The following AURKA variants were observed in gnomAD, a reference collection of about 807,000 sequenced individuals.
The protein encoded by AURKA is aurora 2.
A neutral mutation model predicts 40.9 loss-of-function variants in AURKA; 12 were observed. The observed-to-expected ratio is 0.29, with a 90% CI of 0.19 to 0.48. The LOEUF (loss-of-function observed/expected upper bound fraction) is 0.48. AURKA is among the 20% of genes least tolerant of loss of function. AURKA has a pLI of 0.99. For missense variants in AURKA, 322 were observed against 462.1 expected (o/e 0.70, Z 2.78); for synonymous variants, 170 against 164.3 (o/e 1.03, Z -0.26).
chr20:56,377,258 C>CA (rs1467927169), intron 6 of AURKA, among the ~76,000 whole-genome samples: 12 of 152,104 alleles, frequency 7.9e-5, no homozygotes, highest in Non-Finnish European at 1.5e-4. Flanking sequence ...GCCTGGCTGA[C>CA]AGAGTGAAAC....
intron 6 of AURKA, among the ~76,000 whole-genome samples, chr20:56,375,166 C>T (rs928454721): frequency 6.6e-6 from 1 of 152,084 alleles, no homozygotes; most frequent in South Asian, 2.1e-4. Flanking sequence ...ACTCTGTCAC[C>T]CAGCCTGGAT....
At chr20:56,382,155 C>T (rs910468523) in intron 5 of AURKA, among the ~76,000 whole-genome samples, 3 of 148,316 alleles carry the variant, frequency 2.0e-5, no homozygotes, top group Non-Finnish European at 4.5e-5. Context: ...CAGAGCGAGA[C>T]TCCATCTCAA....
intron 6 of AURKA, among the ~76,000 whole-genome samples, chr20:56,375,311 T>C (rs567380558): frequency 7.4e-4 from 108 of 145,994 alleles, no homozygotes; most frequent in African/African-American, 2.3e-3. Flanking sequence ...ATCTTTCTTT[T>C]TTTTTTTTTT....
chr20:56,376,023 C>A (rs1984876120), intron 6 of AURKA, among the ~76,000 whole-genome samples: 1 of 152,172 alleles, frequency 6.6e-6, no homozygotes, highest in Non-Finnish European at 1.5e-5. Flanking sequence ...TCTGCTTACA[C>A]CAAAACTCCA....
chr20:56,371,286 C>T (rs1006807218), intron 7 of AURKA, among the ~76,000 whole-genome samples: 2 of 152,082 alleles, frequency 1.3e-5, no homozygotes, highest in South Asian at 2.1e-4. Context: ...CATGGTGAAA[C>T]GCCGTATCTA....
rs111704748 is a variant in AURKA, at chr20:56,371,346, T to C, written c.855-687A>G. Reference sequence around the variant, plus strand: ...GTGTGGTGGTGTGCGCCTGTAGTCCTAGCTACTCAGGAGGCTGAGGCAGAA... The same window carrying C: ...GTGTGGTGGTGTGCGCCTGTAGTCCCAGCTACTCAGGAGGCTGAGGCAGAA... On this transcript the variant is annotated intron_variant, in intron 7 of 8. Coordinates refer to ENST00000395915, the MANE Select transcript of AURKA (RefSeq NM_198437.3). 9.4e-3 allele frequency among the ~76,000 whole-genome samples: 1,293 copies of C among 138,086 alleles called. 17 individuals carry two copies. Among genetic ancestry groups the C allele is most frequent in the African/African-American group, 0.029 (1,076 of 37,008 alleles). The allele number at this position is 138,086 out of a possible 152,430, so 90.6% of individuals were successfully genotyped here.
chr20:56,370,930 A>G (rs1569037478), intron 7 of AURKA, among the ~76,000 whole-genome samples: 1 of 152,230 alleles, frequency 6.6e-6, no homozygotes, highest in African/African-American at 2.4e-5. Context: ...ATGTATCACT[A>G]CCATATAAAA....
Position 56,388,313 on chromosome 20 carries a change from G to A in AURKA, c.-5-111C>T, listed in dbSNP as rs570378887. On this transcript the variant is annotated intron_variant, in intron 1 of 8. Transcript: ENST00000395915. ...AATCAAAAGGCCTCCACAACACACC[G>A]GATTTTACATGTTTTGTCCAAATGA... is the stretch of plus-strand genomic sequence containing the variant. 1.6e-4 allele frequency: 155 copies of A among 944,304 alleles called. No homozygotes were observed. In the African/African-American group the frequency reaches 1.6e-3, roughly 10 times the overall value. The allele number at this position is 944,304 out of a possible 1,614,324, so 58.5% of individuals were successfully genotyped here.
At chr20:56,372,645 G>A (rs1454017534) in intron 7 of AURKA, among the ~76,000 whole-genome samples, 1 of 151,668 alleles carries the variant, frequency 6.6e-6, no homozygotes, top group Non-Finnish European at 1.5e-5. Context: ...TCTATTTTAG[G>A]CTATACTTTT....
At chr20:56,388,091 C>T in intron 2 of AURKA, 65 bp downstream of exon 2, 2 of 104,158 alleles carry the variant, frequency 1.9e-5, no homozygotes, top group Non-Finnish European at 3.1e-5. Context: ...GGAAAGAATT[C>T]CCGACAAGAC....
chr20:56,377,232 G>A (rs954703145), intron 6 of AURKA, among the ~76,000 whole-genome samples: 6 of 152,100 alleles, frequency 3.9e-5, no homozygotes, highest in Non-Finnish European at 7.4e-5. Context: ...AGCAGAGATC[G>A]CACCACTGCA....
At chr20:56,383,878 C>T (rs1986037696) in intron 4 of AURKA, among the ~76,000 whole-genome samples, 1 of 152,184 alleles carries the variant, frequency 6.6e-6, no homozygotes, top group Admixed American at 6.5e-5. Flanking sequence ...ATAATACTGT[C>T]AAAACCCTCA....
At position 56,372,533 on chromosome 20, in the gene AURKA, T is replaced by TA. The variant is rs10716404; in HGVS notation, c.854+874dup. On this transcript the variant is annotated intron_variant, in intron 7 of 8. Coordinates refer to ENST00000395915, the MANE Select transcript of AURKA (RefSeq NM_198437.3). ...CAGCTCCCACTAATGACAACCAGTT[T>TA]AAAAAAAAAAAAAAAAAAAAAGACT... Among the ~76,000 whole-genome samples the TA allele has an allele frequency of 6.9e-3, 843 of 121,624 alleles. 15 individuals are homozygous for TA. Among genetic ancestry groups the TA allele is most frequent in the African/African-American group, 0.022 (753 of 33,582 alleles). 79.8% of individuals were successfully genotyped at this position (121,624 alleles called of 152,430 possible).
Position 56,370,675 on chromosome 20 carries a change from G to A in AURKA, c.855-16C>T. 1.2e-6 allele frequency: 2 copies of A among 1,614,044 alleles called. No individual in the cohort carries two copies. The highest frequency in any genetic ancestry group is 1.7e-5 in the Admixed American group (1 of 60,002). On this transcript the variant is annotated splice_polypyrimidine_tract_variant and intron_variant, in intron 7 of 8. Transcript: ENST00000395915. ...AGTGGTCCTCCTGAAAACGGAGGGA[G>A]GCTCAGGTTGATGTGCTTCTCGTTT...
At chr20:56,372,137 C>T (rs988371288) in intron 7 of AURKA, among the ~76,000 whole-genome samples, 3 of 152,184 alleles carry the variant, frequency 2.0e-5, no homozygotes, top group African/African-American at 4.8e-5. Context: ...ATCAGCTGCT[C>T]TTCACCATGG....
chr20:56,390,743 C>A (rs1012914340), intron 1 of AURKA: 1 of 152,020 alleles, frequency 6.6e-6, no homozygotes, highest in African/African-American at 2.4e-5. Context: ...GCCCAGACTA[C>A]AGGCTGCAGC....
At chr20:56,377,126 CA>C (rs1313828724) in intron 6 of AURKA, among the ~76,000 whole-genome samples, 1 of 152,004 alleles carries the variant, frequency 6.6e-6, no homozygotes, top group Non-Finnish European at 1.5e-5. Flanking sequence ...CGTGTCTATA[CA>C]AAAAATACAA....
chr20:56,374,594 G>C (rs1268249996), intron 6 of AURKA, among the ~76,000 whole-genome samples: 1 of 151,848 alleles, frequency 6.6e-6, no homozygotes, highest in African/African-American at 2.4e-5. Context: ...ATTTCCTTAA[G>C]TTACTATCTT....
chr20:56,372,675 T>G (rs1261430448), intron 7 of AURKA, among the ~76,000 whole-genome samples: 2 of 152,228 alleles, frequency 1.3e-5, no homozygotes, highest in African/African-American at 4.8e-5. Flanking sequence ...AGCTTGATTT[T>G]TAAGTCATTT....
Sources: allele counts gnomAD v4.1 joint callset (sites outside exome capture counted in the v4.1 genomes callset), GRCh38; gene constraint gnomAD v4.1.1; transcripts MANE v1.5; gene names NCBI Gene and HGNC (gene_info 2026-07-23, HGNC 2026-07-21).